Variants in PRSS3 observed in about 807,000 individuals in gnomAD.
The protein encoded by PRSS3 is serine protease 3, also known as trypsin-3.
PRSS3 carries 14 observed loss-of-function variants against 20.8 expected under a neutral mutation model. That is an observed-to-expected ratio of 0.67 (90% CI 0.44 to 1.05). The LOEUF (loss-of-function observed/expected upper bound fraction) is 1.05. PRSS3 is among the 50% of genes least tolerant of loss of function. The pLI is 0.00. For synonymous variants in PRSS3, 91 were observed against 117.6 expected, an observed-to-expected ratio of 0.77 and a Z score of 1.46; for missense variants, 237 against 306.4, an observed-to-expected ratio of 0.77 and a Z score of 1.69.
rs1458587704 is a variant in PRSS3, at chr9:33,798,588, T to TG, written c.560dup (p.Phe188LeufsTer3). 6.2e-7 allele frequency: 1 copy of TG among 1,614,162 alleles called. No individual in the cohort carries two copies. Among genetic ancestry groups the TG allele is most frequent in the South Asian group, 1.1e-5 (1 of 91,072 alleles). ...AAGATTACCAACAGCATGTTCTGTG[T>TG]GGGCTTCCTTGAGGGAGGCAAGGAT... On this transcript the variant is annotated frameshift_variant, in exon 4 of 5. Transcript: ENST00000379405. LOFTEE classifies it high-confidence loss of function.
intron 1 of PRSS3, among the ~76,000 whole-genome samples, chr9:33,790,049 T>G (rs1824564878): frequency 2.0e-5 from 3 of 152,190 alleles, no homozygotes; most frequent in Non-Finnish European, 2.9e-5. Flanking sequence ...CTAAACGTAT[T>G]TCTCACTATA....
chr9:33,753,471 T>C (rs981931804), intron 1 of PRSS3, among the ~76,000 whole-genome samples: 1 of 152,190 alleles, frequency 6.6e-6, no homozygotes, highest in African/African-American at 2.4e-5. Flanking sequence ...TGTGGTCTCT[T>C]GAGAATTTGC....
At position 33,765,412 on chromosome 9, in the gene PRSS3, C is replaced by T. The variant is rs1342411583; in HGVS notation, c.-53+14685C>T. ...CATTTTTACTGTAGATCTTAGCAAC[C>T]TCAGCATACTATTTTTTTCTTTCGT... On this transcript the variant is annotated intron_variant, in intron 1 of 5. Coordinates refer to the PRSS3 transcript ENST00000342836. 3.9e-5 allele frequency among the ~76,000 whole-genome samples: 6 copies of T among 152,182 alleles called. No individual in the cohort carries two copies. In the East Asian group the frequency reaches 9.6e-4, roughly 24 times the overall value.
At chr9:33,759,111 C>A (rs1404754953) in intron 1 of PRSS3, among the ~76,000 whole-genome samples, 1 of 151,998 alleles carries the variant, frequency 6.6e-6, no homozygotes, top group Non-Finnish European at 1.5e-5. Flanking sequence ...ATGAAAAGGA[C>A]ATGCAATTTA....
chr9:33,754,969 T>G (rs1414471075), intron 1 of PRSS3, among the ~76,000 whole-genome samples: 3 of 152,174 alleles, frequency 2.0e-5, no homozygotes, highest in Non-Finnish European at 4.4e-5. Flanking sequence ...AGGTTGTTAT[T>G]TGTTTTGGTT....
chr9:33,755,413 A>G (rs1348507216), intron 1 of PRSS3, among the ~76,000 whole-genome samples: 1 of 152,124 alleles, frequency 6.6e-6, no homozygotes, highest in Non-Finnish European at 1.5e-5. Flanking sequence ...ACCATATCCT[A>G]AATAGCATGC....
chr9:33,776,256 A>C (rs1823924433), intron 1 of PRSS3, among the ~76,000 whole-genome samples: 1 of 152,246 alleles, frequency 6.6e-6, no homozygotes, highest in African/African-American at 2.4e-5. Context: ...CAGAGAGAAA[A>C]AAATGAAGAC....
chr9:33,786,353 G>C, intron 1 of PRSS3: 1 of 601,438 alleles, frequency 1.7e-6, no homozygotes, highest in Non-Finnish European at 3.0e-6. Flanking sequence ...CCAGACAGAA[G>C]ATGAAGGGGA....
intron 1 of PRSS3, among the ~76,000 whole-genome samples, chr9:33,789,848 T>G (rs1311754388): frequency 1.3e-5 from 2 of 152,224 alleles, no homozygotes; most frequent in Admixed American, 1.3e-4. Context: ...GACCTAAGTT[T>G]AAAACTTGGT....
intron 2 of PRSS3, 59 bp from the exon 3 acceptor site, chr9:33,797,770 G>A: frequency 1.9e-6 from 3 of 1,614,128 alleles, no homozygotes; most frequent in Non-Finnish European, 1.7e-6. Context: ...CCTGGGGAAG[G>A]TGGGAGGGGT....
At chr9:33,782,249 A>T (rs1716313246) in intron 1 of PRSS3, among the ~76,000 whole-genome samples, 1 of 152,160 alleles carries the variant, frequency 6.6e-6, no homozygotes, top group Non-Finnish European at 1.5e-5. Context: ...TTCCACAGGG[A>T]AAAATGGAAC....
At chr9:33,782,237 A>AT in intron 1 of PRSS3, among the ~76,000 whole-genome samples, 1 of 152,152 alleles carries the variant, frequency 6.6e-6, no homozygotes, top group Non-Finnish European at 1.5e-5. Flanking sequence ...GACCAGTGCC[A>AT]TTTCCACAGG....
chr9:33,775,876 GTATTTTTAC>G (rs1470345627), intron 1 of PRSS3, among the ~76,000 whole-genome samples: 1 of 151,754 alleles, frequency 6.6e-6, no homozygotes, highest in Non-Finnish European at 1.5e-5. Flanking sequence ...CTAATTTTTT[GTATTTTTAC>G]TAGAGACAGG....
intron 1 of PRSS3, among the ~76,000 whole-genome samples, chr9:33,780,167 G>C (rs1476723758): frequency 6.6e-6 from 1 of 152,114 alleles, no homozygotes; most frequent in African/African-American, 2.4e-5. Context: ...GGCAGCTAGA[G>C]TGAAGGGTCA....
chr9:33,794,985 G>A (rs1163322130), upstream of PRSS3: 1 of 1,426,128 alleles, frequency 7.0e-7, no homozygotes. Context: ...GGAATGCTAA[G>A]TCTCCCTTCT....
At chr9:33,761,406 A>G (rs1248287832) in intron 1 of PRSS3, among the ~76,000 whole-genome samples, 1 of 152,182 alleles carries the variant, frequency 6.6e-6, no homozygotes, top group African/African-American at 2.4e-5. Flanking sequence ...GAAAACATGC[A>G]TTAAACATAC....
At chr9:33,763,516 G>A (rs1438348914) in intron 1 of PRSS3, among the ~76,000 whole-genome samples, 4 of 152,096 alleles carry the variant, frequency 2.6e-5, no homozygotes, top group African/African-American at 9.6e-5. Context: ...TGGCTAACAC[G>A]GTGAAACCCC....
chr9:33,757,318 A>C (rs1385430177), intron 1 of PRSS3, among the ~76,000 whole-genome samples: 2 of 152,186 alleles, frequency 1.3e-5, no homozygotes, highest in South Asian at 4.1e-4. Flanking sequence ...CTTTTTGATA[A>C]CCATTTGCAA....
chr9:33,766,263 CAAAAAA>C (rs67834191), intron 1 of PRSS3, among the ~76,000 whole-genome samples: 27 of 72,800 alleles, frequency 3.7e-4, no homozygotes, highest in East Asian at 1.5e-3. Context: ...GATTCCGTCT[CAAAAAA>C]AAAAAAAAAA....
Sources: allele counts gnomAD v4.1 joint callset (sites outside exome capture counted in the v4.1 genomes callset), GRCh38; gene constraint gnomAD v4.1.1; transcripts MANE v1.5; gene names NCBI Gene and HGNC (gene_info 2026-07-23, HGNC 2026-07-21).